Variants in RGPD2 observed in about 807,000 individuals in gnomAD.
RGPD2 encodes the protein RANBP2 like and GRIP domain containing 2, also known as RANBP2-like and GRIP domain-containing protein 2.
A neutral mutation model predicts 36.0 loss-of-function variants in RGPD2; 2 were observed. The observed-to-expected ratio is 0.06, with a 90% CI of 0.02 to 0.17. The LOEUF (loss-of-function observed/expected upper bound fraction) is 0.17. Ranked by LOEUF, RGPD2 falls within the 10% of genes least tolerant of loss-of-function variation. The probability of loss-of-function intolerance (pLI) is 1.00; values close to 1 mark genes in which losing one functional copy is unlikely to be tolerated. For missense variants in RGPD2, 40 were observed against 464.3 expected, an observed-to-expected ratio of 0.09 and a Z score of 8.40; for synonymous variants, 19 against 163.8, an observed-to-expected ratio of 0.12 and a Z score of 6.75.
chr2:87,756,220 C>CT lies in RGPD2; in HGVS notation c.*1171dup, dbSNP rs1558712700. 1.6e-5 allele frequency: 1 copy of CT among 60,650 alleles called. No homozygotes were observed. Among genetic ancestry groups the CT allele is most frequent in the African/African-American group, 5.8e-5 (1 of 17,214 alleles). The allele number at this position is 60,650 out of a possible 1,614,324, so 3.8% of individuals were successfully genotyped here. A position where few individuals can be genotyped will look rare whatever the true frequency, so the allele number is the denominator to read the frequency against. ...TTAAACACAGGAGAGGGCCCATTGTCTAACTGGTGAGTTGGTTGAGTGGAA... is the reference window on the plus strand; with the variant it reads ...TTAAACACAGGAGAGGGCCCATTGTCTTAACTGGTGAGTTGGTTGAGTGGAA... On this transcript the variant is annotated 3_prime_UTR_variant, in exon 23 of 23. Transcript: ENST00000398146.
At chr2:87,916,520 T>C in the RGPD2 span, among the ~76,000 whole-genome samples, 2 of 119,232 alleles carry the variant, frequency 1.7e-5, no homozygotes, top group East Asian at 2.3e-4. Context: ...TACCCAGTGT[T>C]GGAGGTGGGG....
At chr2:87,825,575 G>GC (rs1303583475) in intron 1 of RGPD2, 83 bp downstream of exon 1, 14 of 1,053,748 alleles carry the variant, frequency 1.3e-5, no homozygotes, top group East Asian at 1.5e-4. Flanking sequence ...CCGCCGCCCG[G>GC]CCAGGTCGAG....
chr2:87,919,586 A>C, the RGPD2 span, among the ~76,000 whole-genome samples: 1 of 150,220 alleles, frequency 6.7e-6, no homozygotes, highest in Non-Finnish European at 1.5e-5. Flanking sequence ...AATTGTTATG[A>C]CTATAAAAAC....
chr2:87,961,279 A>C, the RGPD2 span, among the ~76,000 whole-genome samples: 1 of 152,202 alleles, frequency 6.6e-6, no homozygotes, highest in Non-Finnish European at 1.5e-5. Context: ...AGCGCCTGAA[A>C]GCCACTGACG....
At chr2:87,832,813 A>G in the RGPD2 span, among the ~76,000 whole-genome samples, 2 of 146,428 alleles carry the variant, frequency 1.4e-5, no homozygotes, top group Non-Finnish European at 3.0e-5. Flanking sequence ...AAAATTAGCC[A>G]GGCTTGGTGG....
the RGPD2 span, among the ~76,000 whole-genome samples, chr2:87,929,519 GTT>G: frequency 1.2e-4 from 17 of 147,558 alleles, no homozygotes; most frequent in African/African-American, 4.2e-4. Flanking sequence ...GTGTGTGTGT[GTT>G]TTGCTTAGGA....
chr2:87,905,416 G>A, the RGPD2 span, among the ~76,000 whole-genome samples: 1 of 152,140 alleles, frequency 6.6e-6, no homozygotes, highest in African/African-American at 2.4e-5. Context: ...CGAAGTGTCA[G>A]GTCTATGTGA....
chr2:87,928,966 T>C, the RGPD2 span, among the ~76,000 whole-genome samples: 1 of 151,902 alleles, frequency 6.6e-6, no homozygotes, highest in African/African-American at 2.4e-5. Flanking sequence ...GCTAGACGAA[T>C]AGTTTGCAGA....
the RGPD2 span, among the ~76,000 whole-genome samples, chr2:87,834,844 A>G: frequency 6.6e-6 from 1 of 151,874 alleles, no homozygotes; most frequent in South Asian, 2.1e-4. Context: ...AACTTATAAG[A>G]AGCAAAAGAC....
At chr2:87,864,836 C>G in the RGPD2 span, among the ~76,000 whole-genome samples, 2 of 152,222 alleles carry the variant, frequency 1.3e-5, no homozygotes. Context: ...TAAGACTACT[C>G]TACATGTTCT....
the RGPD2 span, among the ~76,000 whole-genome samples, chr2:87,863,665 T>G: frequency 6.6e-6 from 1 of 152,224 alleles, no homozygotes; most frequent in African/African-American, 2.4e-5. Context: ...CTTATTTTGT[T>G]ATGAATACAG....
chr2:87,910,401 T>A, the RGPD2 span, among the ~76,000 whole-genome samples: 1,128 of 152,062 alleles, frequency 7.4e-3, 2 homozygotes, highest in Middle Eastern at 0.017. Flanking sequence ...CAGCCTTGAT[T>A]CTCAAGCCTG....
chr2:87,843,611 G>A, the RGPD2 span, among the ~76,000 whole-genome samples: 1 of 149,706 alleles, frequency 6.7e-6, no homozygotes, highest in Non-Finnish European at 1.5e-5. Flanking sequence ...TACACTGTTG[G>A]TGGGACTGTA....
At chr2:87,918,419 AG>A in the RGPD2 span, among the ~76,000 whole-genome samples, 1 of 151,624 alleles carries the variant, frequency 6.6e-6, no homozygotes, top group Non-Finnish European at 1.5e-5. Flanking sequence ...AAAGTATTAA[AG>A]AATATCAACT....
At chr2:87,866,734 C>T in the RGPD2 span, among the ~76,000 whole-genome samples, 2 of 152,026 alleles carry the variant, frequency 1.3e-5, no homozygotes, top group Non-Finnish European at 2.9e-5. Context: ...GGTATGTTTG[C>T]AATGGCCATG....
At chr2:87,878,601 CT>C in the RGPD2 span, among the ~76,000 whole-genome samples, 4 of 152,228 alleles carry the variant, frequency 2.6e-5, no homozygotes, top group Non-Finnish European at 4.4e-5. Context: ...AAAATTCTCT[CT>C]TTTAGGTATT....
chr2:87,880,218 T>C, the RGPD2 span, among the ~76,000 whole-genome samples: 4 of 152,258 alleles, frequency 2.6e-5, no homozygotes, highest in South Asian at 6.2e-4. Flanking sequence ...ATTAGCCACT[T>C]ACTGGATATA....
chr2:87,857,681 G>A, the RGPD2 span, among the ~76,000 whole-genome samples: 1 of 150,682 alleles, frequency 6.6e-6, no homozygotes, highest in African/African-American at 2.4e-5. Context: ...TCTCACGCCT[G>A]TAATCTCAGC....
Position 87,769,754 on chromosome 2 carries a change from T to C in RGPD2, c.5236+2415A>G, listed in dbSNP as rs1017068636. On this transcript the variant is annotated intron_variant, in intron 22 of 22. Transcript: ENST00000398146. ...CTGGTTAATTTTATAACTATAAAAT[T>C]AGTTATAATTTTGAGATTTCTGTCT... is the stretch of plus-strand genomic sequence containing the variant. Among the ~76,000 whole-genome samples the C allele has an allele frequency of 4.0e-5, 6 of 151,266 alleles. No homozygotes were observed. In the East Asian group the frequency reaches 1.2e-3, roughly 30 times the overall value.
Sources: gnomAD v4.1 joint callset for allele counts (sites outside exome capture counted in the v4.1 genomes callset) on GRCh38, gnomAD v4.1.1 for gene constraint, MANE v1.5 for transcripts, NCBI Gene and HGNC (gene_info 2026-07-23, HGNC 2026-07-21) for gene names.